Variants in CNTN5 observed in about 807,000 individuals in gnomAD.
The protein encoded by CNTN5 is contactin 5, also known as contactin-5.
In CNTN5, 77 loss-of-function variants were observed where a neutral mutation model predicts 129.1. The observed-to-expected ratio is 0.60, with a 90% CI of 0.50 to 0.72. CNTN5 has a LOEUF of 0.72. Ranked by LOEUF, CNTN5 falls within the 30% of genes least tolerant of loss-of-function variation. The probability of loss-of-function intolerance (pLI) is 0.00; values close to 1 mark genes in which losing one functional copy is unlikely to be tolerated. For missense variants in CNTN5, 1,478 were observed against 1,328.8 expected (o/e 1.11, Z -1.75); for synonymous variants, 509 against 465.6 (o/e 1.09, Z -1.20).
chr11:99,444,894 A>G (rs1326313627), intron 2 of CNTN5, among the ~76,000 whole-genome samples: 4 of 151,804 alleles, frequency 2.6e-5, no homozygotes, highest in Non-Finnish European at 5.9e-5. Context: ...TAGAGAGTTA[A>G]TACAGTTTTT....
intron 3 of CNTN5, among the ~76,000 whole-genome samples, chr11:99,701,770 G>C (rs950381093): frequency 6.6e-6 from 1 of 150,882 alleles, no homozygotes; most frequent in Admixed American, 6.6e-5. Context: ...ATTTAGAATT[G>C]TTCTCTGACT....
chr11:99,450,042 T>G (rs750283472), intron 2 of CNTN5, among the ~76,000 whole-genome samples: 1 of 152,102 alleles, frequency 6.6e-6, no homozygotes, highest in Non-Finnish European at 1.5e-5. Context: ...TGCCCAATAT[T>G]AAAGTCAAAT....
At chr11:99,957,221 T>C (rs1302267746) in intron 8 of CNTN5, among the ~76,000 whole-genome samples, 1 of 152,138 alleles carries the variant, frequency 6.6e-6, no homozygotes, top group Non-Finnish European at 1.5e-5. Context: ...TTGAGAAATA[T>C]TCACCATAAT....
At chr11:99,417,788 C>T (rs1316945149) in intron 2 of CNTN5, among the ~76,000 whole-genome samples, 4 of 152,088 alleles carry the variant, frequency 2.6e-5, no homozygotes, top group Non-Finnish European at 5.9e-5. Context: ...TTATAAATCA[C>T]ATTCTTTGGA....
At chr11:100,251,843 A>G (rs1591438123) in intron 16 of CNTN5, among the ~76,000 whole-genome samples, 1 of 152,092 alleles carries the variant, frequency 6.6e-6, no homozygotes, top group African/African-American at 2.4e-5. Context: ...GGTTGATTCC[A>G]TATCTTGGCT....
At chr11:99,851,564 C>A (rs1213321568) in intron 6 of CNTN5, among the ~76,000 whole-genome samples, 1 of 152,100 alleles carries the variant, frequency 6.6e-6, no homozygotes. Context: ...TAATTGATGC[C>A]AGAAAGTCAA....
At chr11:99,742,026 G>T (rs1035186713) in intron 3 of CNTN5, among the ~76,000 whole-genome samples, 5 of 152,016 alleles carry the variant, frequency 3.3e-5, no homozygotes, top group Admixed American at 3.3e-4. Flanking sequence ...CTGAAAATTA[G>T]AATCTATAAA....
intron 3 of CNTN5, among the ~76,000 whole-genome samples, chr11:99,556,554 AATATATATATATATAT>A (rs199758207): frequency 0.022 from 1,558 of 72,332 alleles, 58 homozygotes; most frequent in African/African-American, 0.064. Context: ...AAGGCTTGGA[AATATATATATATATAT>A]ATATATATAT....
chr11:99,479,047 A>G (rs1945488686), intron 2 of CNTN5, among the ~76,000 whole-genome samples: 1 of 152,102 alleles, frequency 6.6e-6, no homozygotes, highest in African/African-American at 2.4e-5. Context: ...ATGAACACTA[A>G]TGCAAATAGC....
rs536960095 is a variant in CNTN5 at position 99,951,063 on chromosome 11, G to GT, written c.674-5739dup. ...ATTTAACCTTCCCTTTCTTCCATCAGTTTTAGTTTACAGATGAGAAGATTA... is the reference window on the plus strand; with the variant it reads ...ATTTAACCTTCCCTTTCTTCCATCAGTTTTTAGTTTACAGATGAGAAGATTA... On this transcript the variant is annotated intron_variant, in intron 7 of 24. Coordinates refer to ENST00000524871, the MANE Select transcript of CNTN5 (RefSeq NM_014361.4). Among the ~76,000 whole-genome samples the GT allele has an allele frequency of 7.3e-3, 1,110 of 151,736 alleles. 19 individuals are homozygous for GT. Among genetic ancestry groups the GT allele is most frequent in the African/African-American group, 0.026 (1,073 of 41,106 alleles).
chr11:100,276,185 CA>C (rs1950506056), intron 18 of CNTN5, among the ~76,000 whole-genome samples: 1 of 151,834 alleles, frequency 6.6e-6, no homozygotes, highest in Admixed American at 6.6e-5. Context: ...TTCTGCATGC[CA>C]AAAAACAGAA....
At chr11:100,211,186 T>C (rs1949022401) in intron 15 of CNTN5, among the ~76,000 whole-genome samples, 1 of 152,092 alleles carries the variant, frequency 6.6e-6, no homozygotes, top group Non-Finnish European at 1.5e-5. Context: ...CTTTTAACAT[T>C]AAGAACTTCT....
chr11:99,422,496 C>T (rs1942932617), intron 2 of CNTN5, among the ~76,000 whole-genome samples: 3 of 122,626 alleles, frequency 2.4e-5, no homozygotes, highest in Admixed American at 8.4e-5. Flanking sequence ...AAAACAAAAG[C>T]GATTCATGTT....
At chr11:100,305,151 G>A (rs1951318984) in intron 20 of CNTN5, among the ~76,000 whole-genome samples, 1 of 151,520 alleles carries the variant, frequency 6.6e-6, no homozygotes, top group Admixed American at 6.6e-5. Flanking sequence ...AGAGGAAAGA[G>A]CATTTGAGAC....
At chr11:100,313,032 G>A (rs746353923) in intron 21 of CNTN5, among the ~76,000 whole-genome samples, 2 of 152,000 alleles carry the variant, frequency 1.3e-5, no homozygotes, top group Non-Finnish European at 2.9e-5. Flanking sequence ...GAAGCACTGG[G>A]AAATTAAAAT....
intron 1 of CNTN5, among the ~76,000 whole-genome samples, chr11:99,116,991 T>C (rs1591218766): frequency 6.6e-6 from 1 of 152,114 alleles, no homozygotes; most frequent in African/African-American, 2.4e-5. Context: ...ATATACTATA[T>C]GGCAGTCAAG....
At chr11:100,040,957 C>T (rs1226153944) in intron 9 of CNTN5, among the ~76,000 whole-genome samples, 1 of 152,180 alleles carries the variant, frequency 6.6e-6, no homozygotes, top group African/African-American at 2.4e-5. Flanking sequence ...TGCTTTGGCT[C>T]ATGCACGGTG....
intron 9 of CNTN5, among the ~76,000 whole-genome samples, chr11:100,008,831 G>T (rs1006400453): frequency 6.6e-6 from 1 of 151,940 alleles, no homozygotes; most frequent in Non-Finnish European, 1.5e-5. Context: ...AGCCAAATTA[G>T]GAAATTTCTT....
At chr11:100,115,136 A>AAAAAG (rs1555012585) in intron 13 of CNTN5, among the ~76,000 whole-genome samples, 2 of 150,172 alleles carry the variant, frequency 1.3e-5, no homozygotes, top group African/African-American at 2.5e-5. Flanking sequence ...AAAAAAAAAA[A>AAAAAG]AAAGAAAGAA....
Sources: gnomAD v4.1 joint callset for allele counts (sites outside exome capture counted in the v4.1 genomes callset) on GRCh38, gnomAD v4.1.1 for gene constraint, MANE v1.5 for transcripts, NCBI Gene and HGNC (gene_info 2026-07-23, HGNC 2026-07-21) for gene names.